PDLIM5: variants seen among roughly 807,000 people sequenced by gnomAD.
The protein encoded by PDLIM5 is PDZ and LIM domain protein 5.
In PDLIM5, 34 loss-of-function variants were observed where a neutral mutation model predicts 64.2. The ratio of observed to expected loss-of-function variants is 0.53; its 90% confidence interval spans 0.40 to 0.71. The LOEUF (loss-of-function observed/expected upper bound fraction) is 0.71, where lower values mean the gene tolerates loss of function less well. Among genes scored for constraint, PDLIM5 ranks in the 30% least tolerant of loss-of-function variants. The pLI is 0.00. For synonymous variants in PDLIM5, 253 were observed against 269.1 expected (o/e 0.94, Z 0.59); for missense variants, 683 against 733.6 (o/e 0.93, Z 0.80).
intron 3 of PDLIM5, among the ~76,000 whole-genome samples, chr4:94,570,432 T>C (rs1734711239): frequency 6.6e-6 from 1 of 152,212 alleles, no homozygotes; most frequent in Admixed American, 6.5e-5. Context: ...TGAGTGCATG[T>C]GTATGTGAAG....
At chr4:94,464,973 T>G (rs1175086187) in intron 2 of PDLIM5, among the ~76,000 whole-genome samples, 2 of 152,230 alleles carry the variant, frequency 1.3e-5, no homozygotes, top group African/African-American at 4.8e-5. Context: ...CTGCCTTATT[T>G]AAGAACTGTA....
intron 2 of PDLIM5, among the ~76,000 whole-genome samples, chr4:94,513,726 G>A (rs1729101535): frequency 6.6e-6 from 1 of 152,098 alleles, no homozygotes; most frequent in South Asian, 2.1e-4. Flanking sequence ...TTGTTTGTTT[G>A]TTTGATTGTT....
intron 2 of PDLIM5, among the ~76,000 whole-genome samples, chr4:94,501,573 G>T (rs942721356): frequency 6.6e-6 from 1 of 152,088 alleles, no homozygotes; most frequent in African/African-American, 2.4e-5. Flanking sequence ...AGAATTTGGG[G>T]CCTGTATTTT....
At chr4:94,563,994 T>C (rs925552816) in intron 3 of PDLIM5, among the ~76,000 whole-genome samples, 5 of 148,872 alleles carry the variant, frequency 3.4e-5, no homozygotes, top group African/African-American at 1.2e-4. Flanking sequence ...GACAGAGTCT[T>C]ACTCTGTCTC....
intron 9 of PDLIM5, among the ~76,000 whole-genome samples, chr4:94,651,014 G>T (rs553508770): frequency 2.6e-5 from 4 of 152,166 alleles, no homozygotes; most frequent in Non-Finnish European, 5.9e-5. Flanking sequence ...CCACTCTGCA[G>T]TTATCTAGGC....
chr4:94,454,047 G>T (rs1417155599), intron 1 of PDLIM5, among the ~76,000 whole-genome samples: 1 of 152,100 alleles, frequency 6.6e-6, no homozygotes, highest in Admixed American at 6.6e-5. Flanking sequence ...TATACCTATG[G>T]CTCAAATATC....
Position 94,544,480 on chromosome 4 carries a change from G to A in PDLIM5, c.248+20605G>A, listed in dbSNP as rs545897232. 1.1e-3 allele frequency among the ~76,000 whole-genome samples: 169 copies of A among 152,204 alleles called. 1 individual carries two copies. The highest frequency in any genetic ancestry group is 2.3e-3 in the Admixed American group (35 of 15,286). Reference sequence around the variant, plus strand: ...GGGCTCAAGCAAGTGGCTCAAGAGCGGTACATATTCTTATTTTCCCAATTT... The same window carrying A: ...GGGCTCAAGCAAGTGGCTCAAGAGCAGTACATATTCTTATTTTCCCAATTT... On this transcript the variant is annotated intron_variant, in intron 3 of 12. Coordinates refer to ENST00000317968, the MANE Select transcript of PDLIM5 (RefSeq NM_006457.5).
intron 2 of PDLIM5, among the ~76,000 whole-genome samples, chr4:94,482,746 G>A (rs1725979791): frequency 6.6e-6 from 1 of 152,004 alleles, no homozygotes. Context: ...AAAATTTGCT[G>A]AGCATGGTAG....
intron 10 of PDLIM5, among the ~76,000 whole-genome samples, chr4:94,654,977 C>CT (rs1230735687): frequency 6.6e-6 from 1 of 152,172 alleles, no homozygotes; most frequent in Non-Finnish European, 1.5e-5. Flanking sequence ...CCACACACAT[C>CT]TGAGTTCTTA....
At chr4:94,622,511 C>T (rs938291114) in intron 8 of PDLIM5, among the ~76,000 whole-genome samples, 28 of 152,096 alleles carry the variant, frequency 1.8e-4, no homozygotes, top group Admixed American at 1.7e-3. Flanking sequence ...TAGATCTGGA[C>T]CCGTTGTTCA....
chr4:94,503,970 A>G (rs1351753359), intron 2 of PDLIM5, among the ~76,000 whole-genome samples: 1 of 152,164 alleles, frequency 6.6e-6, no homozygotes. Context: ...TTACATCTTT[A>G]TGGGACAATT....
Position 94,582,739 on chromosome 4 carries a change from C to T in PDLIM5, c.711-2826C>T, listed in dbSNP as rs191336195. ...CAGTAACCCTGGCACTGTGTAAGTACTTAACCAATGATTCACTTTGTAATT... is the reference window on the plus strand; with the variant it reads ...CAGTAACCCTGGCACTGTGTAAGTATTTAACCAATGATTCACTTTGTAATT... On this transcript the variant is annotated intron_variant, in intron 5 of 12. Transcript: ENST00000317968. The T allele has an allele frequency of 3.3e-4, 512 of 1,554,920 alleles. No individual in the cohort carries two copies. In the African/African-American group the frequency reaches 6.1e-3, roughly 19 times the overall value.
rs544226005 is a variant in PDLIM5, at chr4:94,592,885, C to T, written c.920+6441C>T. On this transcript the variant is annotated intron_variant, in intron 7 of 12. Coordinates refer to ENST00000317968, the MANE Select transcript of PDLIM5 (RefSeq NM_006457.5). ...CCTCAGCCTCCCGAAGTCCTAGGATCGTCGGTGTGAGCCATTGCGTCTGGC... is the reference window on the plus strand; with the variant it reads ...CCTCAGCCTCCCGAAGTCCTAGGATTGTCGGTGTGAGCCATTGCGTCTGGC... Among the ~76,000 whole-genome samples, 19 of 152,246 alleles carry T rather than the reference C, an allele frequency of 1.2e-4. No homozygotes were observed. In the South Asian group the frequency reaches 3.1e-3, roughly 25 times the overall value.
intron 10 of PDLIM5, among the ~76,000 whole-genome samples, chr4:94,654,899 A>G (rs1159645045): frequency 5.9e-5 from 9 of 152,120 alleles, no homozygotes; most frequent in Admixed American, 5.9e-4. Context: ...TGGGGAAAAA[A>G]TAATTTACTG....
intron 5 of PDLIM5, among the ~76,000 whole-genome samples, chr4:94,582,376 A>G (rs987251103): frequency 1.3e-4 from 20 of 152,200 alleles, no homozygotes; most frequent in African/African-American, 4.1e-4. Flanking sequence ...CTTTTAAAAA[A>G]TAGTGGATCT....
chr4:94,646,793 T>C (rs967290785), intron 9 of PDLIM5, among the ~76,000 whole-genome samples: 10 of 152,176 alleles, frequency 6.6e-5, no homozygotes, highest in Admixed American at 6.5e-4. Flanking sequence ...ATATTTCTAG[T>C]CTACCCCGTG....
chr4:94,489,751 G>T (rs554268975), intron 2 of PDLIM5, among the ~76,000 whole-genome samples: 3 of 151,794 alleles, frequency 2.0e-5, no homozygotes, highest in Admixed American at 2.0e-4. Flanking sequence ...CATAGGGAAG[G>T]CCCCATCTCT....
chr4:94,659,010 A>C (rs1472197667), intron 11 of PDLIM5, among the ~76,000 whole-genome samples: 1 of 152,256 alleles, frequency 6.6e-6, no homozygotes, highest in South Asian at 2.1e-4. Context: ...AAAACAGTCT[A>C]GCCTTAATAC....
At chr4:94,602,627 AT>A (rs574918550) in intron 7 of PDLIM5, among the ~76,000 whole-genome samples, 1 of 151,582 alleles carries the variant, frequency 6.6e-6, no homozygotes, top group African/African-American at 2.4e-5. Context: ...TAATTTTTAT[AT>A]TTTTTTTAGT....
Sources: gnomAD v4.1 joint callset for allele counts (sites outside exome capture counted in the v4.1 genomes callset) on GRCh38, gnomAD v4.1.1 for gene constraint, MANE v1.5 for transcripts, NCBI Gene and HGNC (gene_info 2026-07-23, HGNC 2026-07-21) for gene names.